The following FAM227B variants were observed in gnomAD, a reference collection of about 807,000 sequenced individuals.
FAM227B encodes the protein protein FAM227B.
Under a neutral mutation model 73.8 loss-of-function variants are expected in FAM227B, and 88 were observed. That is an observed-to-expected ratio of 1.19 (90% confidence interval 1.00 to 1.42). The LOEUF (loss-of-function observed/expected upper bound fraction) is 1.42, where lower values mean the gene tolerates loss of function less well. FAM227B is among the 40% of genes most tolerant of loss of function. The pLI, the probability that FAM227B is intolerant of heterozygous loss-of-function variation, is 0.00. For missense variants in FAM227B, 632 were observed against 590.9 expected, an observed-to-expected ratio of 1.07 and a Z score of -0.72; for synonymous variants, 210 against 190.5, an observed-to-expected ratio of 1.10 and a Z score of -0.84.
chr15:49,412,708 T>C (rs757853483), intron 11 of FAM227B, among the ~76,000 whole-genome samples: 5 of 152,086 alleles, frequency 3.3e-5, no homozygotes, highest in Non-Finnish European at 5.9e-5. Context: ...GTCAGAGACA[T>C]CCTTAATTAG....
At chr15:49,566,365 C>T (rs1456430999) in intron 9 of FAM227B, among the ~76,000 whole-genome samples, 1 of 152,038 alleles carries the variant, frequency 6.6e-6, no homozygotes, top group Non-Finnish European at 1.5e-5. Flanking sequence ...ATAAAGGGAA[C>T]TTCTAAACAT....
intron 9 of FAM227B, among the ~76,000 whole-genome samples, chr15:49,543,128 G>A (rs1004014202): frequency 6.6e-6 from 1 of 152,152 alleles, no homozygotes; most frequent in Non-Finnish European, 1.5e-5. Flanking sequence ...ACCACCAGCA[G>A]TGTAAAAGTG....
At chr15:49,385,123 TG>T (rs2046799069) in intron 11 of FAM227B, among the ~76,000 whole-genome samples, 1 of 151,960 alleles carries the variant, frequency 6.6e-6, no homozygotes, top group East Asian at 1.9e-4. Context: ...GAGAAAGGTT[TG>T]GCAAGGTTTC....
chr15:49,517,485 T>A (rs570623802), intron 10 of FAM227B, among the ~76,000 whole-genome samples: 1 of 152,282 alleles, frequency 6.6e-6, no homozygotes, highest in South Asian at 2.1e-4. Flanking sequence ...AAAAATCTAT[T>A]TGAGTCACAA....
intron 11 of FAM227B, among the ~76,000 whole-genome samples, chr15:49,481,255 A>G (rs941298738): frequency 3.3e-5 from 5 of 152,298 alleles, no homozygotes; most frequent in East Asian, 1.9e-4. Flanking sequence ...AAAAGCCACA[A>G]TTACTTTTGC....
chr15:49,485,512 C>T (rs190085424), intron 11 of FAM227B: 3 of 152,096 alleles, frequency 2.0e-5, no homozygotes, highest in African/African-American at 7.3e-5. Flanking sequence ...GTTTCATATG[C>T]TTTTAATTTT....
At chr15:49,364,071 G>A (rs1010395215) in intron 13 of FAM227B, among the ~76,000 whole-genome samples, 1 of 151,966 alleles carries the variant, frequency 6.6e-6, no homozygotes, top group Non-Finnish European at 1.5e-5. Flanking sequence ...TTGGCCAGAT[G>A]TTTTCTTTTT....
At chr15:49,451,502 A>ATATAAATACTAAAATTTTAGTAAAGT (rs1341559081) in intron 11 of FAM227B, among the ~76,000 whole-genome samples, 1 of 152,072 alleles carries the variant, frequency 6.6e-6, no homozygotes, top group African/African-American at 2.4e-5. Flanking sequence ...AACATCAACA[A>ATATAAATACTAAAATTTTAGTAAAGT]TGAGATTAAA....
chr15:49,499,180 A>AG (rs997372595), intron 11 of FAM227B, among the ~76,000 whole-genome samples: 1 of 150,482 alleles, frequency 6.6e-6, no homozygotes, highest in Non-Finnish European at 1.5e-5. Flanking sequence ...AAAAAAAAAA[A>AG]AAAAAAAAAA....
intron 1 of FAM227B, 79 bp downstream of exon 1, chr15:49,620,621 A>G (rs1394826104): frequency 6.6e-6 from 1 of 152,232 alleles, no homozygotes; most frequent in Non-Finnish European, 1.5e-5. Flanking sequence ...TAATGTAACC[A>G]AGTTCTCACA....
At chr15:49,345,556 G>T (rs1446082041) in intron 13 of FAM227B, among the ~76,000 whole-genome samples, 3 of 152,166 alleles carry the variant, frequency 2.0e-5, no homozygotes, top group African/African-American at 7.2e-5. Context: ...TATGAACAAT[G>T]GTTATATTCT....
At chr15:49,615,009 C>A in intron 2 of FAM227B, 112 bp downstream of exon 2, 1 of 935,778 alleles carries the variant, frequency 1.1e-6, no homozygotes. Flanking sequence ...CTAGACCAAA[C>A]CCTTGGTGTT....
At chr15:49,565,322 C>CA (rs1311266266) in intron 9 of FAM227B, among the ~76,000 whole-genome samples, 1 of 144,806 alleles carries the variant, frequency 6.9e-6, no homozygotes, top group Non-Finnish European at 1.5e-5. Flanking sequence ...GCGGAGGTTG[C>CA]AGTGAGCCGT....
chr15:49,477,434 T>G (rs1325601733), intron 11 of FAM227B, among the ~76,000 whole-genome samples: 2 of 152,224 alleles, frequency 1.3e-5, no homozygotes, highest in African/African-American at 2.4e-5. Context: ...TCATACAGTA[T>G]GTGGCTTTTT....
At chr15:49,423,774 T>C (rs905889993) in intron 11 of FAM227B, among the ~76,000 whole-genome samples, 2 of 152,158 alleles carry the variant, frequency 1.3e-5, no homozygotes, top group Non-Finnish European at 2.9e-5. Flanking sequence ...GAGTGCAGTA[T>C]GGTTCTCACA....
At chr15:49,436,058 G>A (rs1278979839) in intron 11 of FAM227B, among the ~76,000 whole-genome samples, 1 of 151,046 alleles carries the variant, frequency 6.6e-6, no homozygotes. Context: ...TTCATTTCAC[G>A]GAAGAAAAAA....
intron 11 of FAM227B, among the ~76,000 whole-genome samples, chr15:49,504,335 T>C (rs1405948462): frequency 6.6e-6 from 1 of 150,802 alleles, no homozygotes. Context: ...AAATGACGAG[T>C]TAATGGGTGC....
intron 9 of FAM227B, among the ~76,000 whole-genome samples, chr15:49,543,278 CAT>C (rs1463719658): frequency 6.6e-6 from 1 of 152,048 alleles, no homozygotes; most frequent in East Asian, 1.9e-4. Context: ...TGCATTTTTT[CAT>C]ATGTTTGTTG....
chr15:49,366,787 TA>T, intron 13 of FAM227B: 1 of 594,596 alleles, frequency 1.7e-6, no homozygotes, highest in South Asian at 2.1e-5. Context: ...GCGGCCGGGC[TA>T]GGCTGGGATC....
Sources: gnomAD v4.1 joint callset for allele counts (sites outside exome capture counted in the v4.1 genomes callset) on GRCh38, gnomAD v4.1.1 for gene constraint, MANE v1.5 for transcripts, NCBI Gene and HGNC (gene_info 2026-07-23, HGNC 2026-07-21) for gene names.